ZNF407: variants seen among roughly 807,000 people sequenced by gnomAD.
The protein encoded by ZNF407 is zinc finger protein 407.
Under a neutral mutation model 131.2 loss-of-function variants are expected in ZNF407, and 17 were observed. The observed-to-expected ratio is 0.13, with a 90% CI of 0.09 to 0.19. The LOEUF is 0.19. ZNF407 is among the 10% of genes least tolerant of loss of function. The probability of loss-of-function intolerance (pLI) is 1.00; values close to 1 mark genes in which losing one functional copy is unlikely to be tolerated. For missense variants in ZNF407, 2,681 were observed against 2,830.6 expected, an observed-to-expected ratio of 0.95 and a Z score of 1.20; for synonymous variants, 1,156 against 1,062.0, an observed-to-expected ratio of 1.09 and a Z score of -1.72.
chr18:74,699,750 A>G (rs116049353), intron 3 of ZNF407, among the ~76,000 whole-genome samples: 331 of 152,096 alleles, frequency 2.2e-3, no homozygotes, highest in African/African-American at 7.5e-3. Flanking sequence ...TTTGTGTGGG[A>G]TTTTCTACAG....
intron 3 of ZNF407, among the ~76,000 whole-genome samples, chr18:74,657,455 G>T (rs1371214953): frequency 6.6e-6 from 1 of 151,886 alleles, no homozygotes; most frequent in East Asian, 1.9e-4. Context: ...AAAAAAGAGA[G>T]AGTGAAAAGG....
intron 8 of ZNF407, chr18:75,062,795 G>A (rs17056245): frequency 0.012 from 2,266 of 189,556 alleles, 53 homozygotes; most frequent in African/African-American, 0.046. Flanking sequence ...CACCCGTGAC[G>A]GAACGCATTG....
At chr18:74,684,581 A>G (rs915997396) in intron 3 of ZNF407, among the ~76,000 whole-genome samples, 2 of 152,202 alleles carry the variant, frequency 1.3e-5, no homozygotes, top group Non-Finnish European at 2.9e-5. Context: ...TTGAGATTTT[A>G]CAGATTGTAA....
intron 1 of ZNF407, among the ~76,000 whole-genome samples, chr18:74,609,473 A>G (rs1982960177): frequency 6.6e-6 from 1 of 152,220 alleles, no homozygotes; most frequent in African/African-American, 2.4e-5. Context: ...ATCTAAATCT[A>G]TCCAAACATA....
chr18:74,953,600 A>G (rs1268335496), intron 8 of ZNF407, among the ~76,000 whole-genome samples: 1 of 151,700 alleles, frequency 6.6e-6, no homozygotes, highest in African/African-American at 2.4e-5. Context: ...CCTGCCCCAC[A>G]CTCCGTAACG....
Position 74,631,924 on chromosome 18 carries a change from A to C in ZNF407, c.905A>C (p.His302Pro), listed in dbSNP as rs1435067454. 1 of 1,613,980 alleles carries C rather than the reference A, an allele frequency of 6.2e-7. No individual in the cohort carries two copies. The highest frequency in any genetic ancestry group is 1.7e-5 in the Admixed American group (1 of 60,010). ...CGTACAATGGCAACAAAAAATGTTC[A>C]CTCAAAACCAAGAACTTCTAAATCA... ...KSRTMATKNV[H>P]SKPRTSKSIA... The change falls in exon 2 of 9, where the codon CAC becomes CCC. Residue 302 changes from histidine (H) to proline (P), a missense_variant. Physicochemically the swap from His to Pro is moderately conservative, Grantham distance 77. This residue lies in a region of ZNF407 where 1,789 missense variants were observed against 1,748.7 expected (regional missense o/e 1.02). Coordinates refer to ENST00000299687, the MANE Select transcript of ZNF407 (RefSeq NM_017757.3).
At chr18:75,002,753 C>T (rs1030048292) in intron 8 of ZNF407, among the ~76,000 whole-genome samples, 5 of 150,076 alleles carry the variant, frequency 3.3e-5, no homozygotes, top group African/African-American at 1.2e-4. Context: ...TGCAGCGAGC[C>T]GAGATCGCGC....
chr18:74,901,591 G>A (rs1179659770), intron 7 of ZNF407, among the ~76,000 whole-genome samples: 1 of 152,248 alleles, frequency 6.6e-6, no homozygotes, highest in Non-Finnish European at 1.5e-5. Context: ...TGATGAGCAA[G>A]TGTGTCATCT....
In ZNF407 at chr18:75,063,952, G is replaced by T. The variant is rs1430835698; in HGVS notation, c.6231G>T (p.Lys2077Asn). 1.9e-6 allele frequency: 3 copies of T among 1,613,636 alleles called. No individual in the cohort carries two copies. The African/African-American group carries it at 4.0e-5, about 22-fold the overall frequency. The change falls in exon 9 of 9, where the codon AAG (lysine) becomes AAT (asparagine). Residue 2077 changes from lysine to asparagine, a missense_variant. This residue lies in a region of ZNF407 where 620 missense variants were observed against 583.1 expected (regional missense o/e 1.06). Coordinates refer to ENST00000299687, the MANE Select transcript of ZNF407 (RefSeq NM_017757.3). This position sits in a 1 kb window ranked among gnomAD's most constrained non-coding sequence, Gnocchi z 6.6. ...ASQERAQVAF[K>N]KMVQGVLQFA... ...AGGAGCGGGCACAGGTGGCCTTCAA[G>T]AAGATGGTCCAGGGCGTCCTCCAGT...
intron 8 of ZNF407, among the ~76,000 whole-genome samples, chr18:74,945,290 T>C (rs1380225221): frequency 2.6e-5 from 4 of 152,188 alleles, no homozygotes; most frequent in Non-Finnish European, 5.9e-5. Context: ...AAAAATCTAT[T>C]TGGACCAGCA....
chr18:74,647,102 T>G lies in ZNF407; in HGVS notation c.4802+5980T>G, dbSNP rs150567713. ...TGTTCTAGTGACTTAACTCGTTGCT[T>G]CTTCTTCTTCTTTTTTTTTTAAAGT... On this transcript the variant is annotated intron_variant, in intron 3 of 8. Coordinates refer to ENST00000299687, the MANE Select transcript of ZNF407 (RefSeq NM_017757.3). Among the ~76,000 whole-genome samples, 368 of 152,082 alleles carry G rather than the reference T, an allele frequency of 2.4e-3. 3 individuals carry two copies. The highest frequency in any genetic ancestry group is 0.023 in the South Asian group (111 of 4,792).
At chr18:74,622,611 G>C (rs1180463006) in intron 1 of ZNF407, among the ~76,000 whole-genome samples, 1 of 152,230 alleles carries the variant, frequency 6.6e-6, no homozygotes, top group Non-Finnish European at 1.5e-5. Context: ...AAGTTACTGT[G>C]GGCCTGGTGA....
intron 8 of ZNF407, among the ~76,000 whole-genome samples, chr18:74,941,969 C>CT (rs1972104352): frequency 6.6e-6 from 1 of 152,132 alleles, no homozygotes; most frequent in Non-Finnish European, 1.5e-5. Flanking sequence ...ATCGGTTAGA[C>CT]TAAAAATAGA....
intron 7 of ZNF407, among the ~76,000 whole-genome samples, chr18:74,915,666 G>A (rs2145231862): frequency 1.2e-5 from 1 of 83,460 alleles, no homozygotes. Flanking sequence ...GTATGGTGAG[G>A]TTGTATGCAG....
At chr18:74,661,809 A>G (rs578009444) in intron 3 of ZNF407, among the ~76,000 whole-genome samples, 7 of 152,330 alleles carry the variant, frequency 4.6e-5, no homozygotes, top group African/African-American at 1.7e-4. Context: ...TTATTTTTAG[A>G]TCTCTTTACT....
chr18:74,803,940 A>G, intron 4 of ZNF407: 1 of 1,549,916 alleles, frequency 6.5e-7, no homozygotes, highest in Non-Finnish European at 8.7e-7. Context: ...GCAATTTAAC[A>G]AACTTGATTG....
At chr18:74,832,034 C>T (rs1970492345) in intron 4 of ZNF407, among the ~76,000 whole-genome samples, 2 of 152,210 alleles carry the variant, frequency 1.3e-5, no homozygotes, top group South Asian at 4.1e-4. Context: ...TGTGAAAATA[C>T]TTCACTTCTC....
chr18:74,864,397 G>A (rs555193373), intron 4 of ZNF407, among the ~76,000 whole-genome samples: 4 of 152,128 alleles, frequency 2.6e-5, no homozygotes, highest in Non-Finnish European at 5.9e-5. Context: ...AAACAAGTAA[G>A]CTGCCACTGT....
chr18:74,861,828 G>T (rs191631759), intron 4 of ZNF407, among the ~76,000 whole-genome samples: 1 of 152,096 alleles, frequency 6.6e-6, no homozygotes, highest in East Asian at 1.9e-4. Flanking sequence ...TACTGTAAAT[G>T]GTAATGATTT....
Sources: allele counts gnomAD v4.1 joint callset (sites outside exome capture counted in the v4.1 genomes callset), GRCh38; gene constraint gnomAD v4.1.1; regional missense constraint gnomAD v4.1.1; non-coding constraint Gnocchi (gnomAD v3.1); transcripts MANE v1.5; gene names NCBI Gene and HGNC (gene_info 2026-07-23, HGNC 2026-07-21).